The following DNAI4 variants were observed in gnomAD, a reference collection of about 807,000 sequenced individuals.
The protein encoded by DNAI4 is WD repeat domain 78.
DNAI4 carries 85 observed loss-of-function variants against 105.8 expected under a neutral mutation model. That is an observed-to-expected ratio of 0.80 (90% confidence interval 0.67 to 0.96). The LOEUF is 0.96. Ranked by LOEUF, DNAI4 falls within the 40% of genes least tolerant of loss-of-function variation. The pLI, the probability that DNAI4 is intolerant of heterozygous loss-of-function variation, is 0.00. For missense variants in DNAI4, 1,014 were observed against 1,005.6 expected, an observed-to-expected ratio of 1.01 and a Z score of -0.11; for synonymous variants, 352 against 331.5, an observed-to-expected ratio of 1.06 and a Z score of -0.67.
chr1:66,835,480 A>T, intron 11 of DNAI4, 146 bp downstream of exon 11: 1 of 838,686 alleles, frequency 1.2e-6, no homozygotes. Flanking sequence ...AGCTGGAGAG[A>T]CAATATGAGG....
intron 6 of DNAI4, among the ~76,000 whole-genome samples, chr1:66,868,090 T>G (rs1289185816): frequency 6.6e-6 from 1 of 152,252 alleles, no homozygotes; most frequent in Non-Finnish European, 1.5e-5. Flanking sequence ...GATTTTGTAA[T>G]GATGAATCAT....
chr1:66,907,632 T>C (rs1649360526), intron 1 of DNAI4, among the ~76,000 whole-genome samples: 1 of 152,164 alleles, frequency 6.6e-6, no homozygotes, highest in Admixed American at 6.5e-5. Flanking sequence ...TCTTCTACCA[T>C]CCTCTGAAGA....
intron 6 of DNAI4, among the ~76,000 whole-genome samples, chr1:66,868,051 T>C (rs1468602188): frequency 6.6e-6 from 1 of 152,198 alleles, no homozygotes; most frequent in Non-Finnish European, 1.5e-5. Context: ...GCATTTACCG[T>C]TCTTGTTTTA....
chr1:66,840,459 G>A lies in DNAI4; in HGVS notation c.1494+10C>T. On this transcript the variant is annotated intron_variant, in intron 9 of 16. Coordinates refer to ENST00000371026, the MANE Select transcript of DNAI4 (RefSeq NM_024763.5). ...TAGAAACAGAATTGTTCAAATGTTT[G>A]ATAACTTACTGGATTTGTTTTATTC... is the stretch of plus-strand genomic sequence containing the variant. 6.2e-7 allele frequency: 1 copy of A among 1,606,630 alleles called. No homozygotes were observed. Among genetic ancestry groups the A allele is most frequent in the East Asian group, 2.2e-5 (1 of 44,852 alleles).
chr1:66,846,149 T>C (rs758352413), intron 8 of DNAI4, among the ~76,000 whole-genome samples: 1 of 152,168 alleles, frequency 6.6e-6, no homozygotes, highest in Non-Finnish European at 1.5e-5. Flanking sequence ...TGTCAATATA[T>C]ACAGTACTAT....
chr1:66,848,399 C>T (rs1010691522), intron 7 of DNAI4: 2 of 374,150 alleles, frequency 5.3e-6, no homozygotes, highest in African/African-American at 4.3e-5. Flanking sequence ...ATCTGAAAAT[C>T]CCCATTGTAA....
At chr1:66,885,446 T>C (rs931421146) in intron 4 of DNAI4, among the ~76,000 whole-genome samples, 4 of 152,240 alleles carry the variant, frequency 2.6e-5, no homozygotes, top group African/African-American at 9.6e-5. Flanking sequence ...AGGATAATTT[T>C]TCTGGATATA....
intron 7 of DNAI4, among the ~76,000 whole-genome samples, chr1:66,854,767 G>C (rs908738872): frequency 3.3e-5 from 5 of 152,254 alleles, no homozygotes; most frequent in Admixed American, 1.3e-4. Flanking sequence ...TCATGCCACT[G>C]TACTCCAGCC....
intron 4 of DNAI4, among the ~76,000 whole-genome samples, chr1:66,876,456 T>C (rs1434233958): frequency 1.3e-5 from 2 of 152,258 alleles, no homozygotes; most frequent in South Asian, 2.1e-4. Flanking sequence ...ATTACATATA[T>C]AGAACCTAAT....
intron 12 of DNAI4, 97 bp downstream of exon 12, chr1:66,833,894 T>C: frequency 1.1e-5 from 16 of 1,449,630 alleles, no homozygotes; most frequent in South Asian, 1.4e-5. Context: ...TTTTTTCTTA[T>C]TGGCCAAACC....
chr1:66,835,911 T>G (rs923942919), intron 10 of DNAI4, 134 bp from the exon 11 acceptor site: 2 of 705,910 alleles, frequency 2.8e-6, no homozygotes, highest in African/African-American at 3.6e-5. Flanking sequence ...TACTTCTGTC[T>G]TCCTAATTTC....
rs149243885 is a variant in DNAI4 at position 66,902,128 on chromosome 1, T to C, written c.345+3073A>G. Reference sequence around the variant, plus strand: ...GATTACAGGTGTGAGCCACCATGCCTGGCCCTACAATACCATTTTTCATAG... The same window carrying C: ...GATTACAGGTGTGAGCCACCATGCCCGGCCCTACAATACCATTTTTCATAG... On this transcript the variant is annotated intron_variant, in intron 2 of 16. Coordinates refer to ENST00000371026, the MANE Select transcript of DNAI4 (RefSeq NM_024763.5). 2.3e-3 allele frequency among the ~76,000 whole-genome samples: 357 copies of C among 152,296 alleles called. 13 individuals carry two copies. In the East Asian group the frequency reaches 0.058, roughly 25 times the overall value.
At position 66,826,860 on chromosome 1, in the gene DNAI4, T is replaced by A; in HGVS notation, c.2299A>T (p.Asn767Tyr). ...TCCCAAATCTCCACCCTGTTCTCAT[T>A]TGCAGCTGCAAATATATAGGATGAT... is the stretch of plus-strand genomic sequence containing the variant. The part of the protein sequence containing the change: ...PKSSYIFAAA[N>Y]ENRVEIWDLH... Residue 767 changes from asparagine to tyrosine, a missense_variant, in exon 15 of 17, where the codon AAT becomes TAT. By Grantham distance (143) the Asn-to-Tyr change is moderately radical. Transcript: ENST00000371026. 1.2e-6 allele frequency: 2 copies of A among 1,614,112 alleles called. No individual in the cohort carries two copies. The highest frequency in any genetic ancestry group is 1.7e-6 in the Non-Finnish European group (2 of 1,180,012).
chr1:66,892,262 A>G (rs1299456200), intron 3 of DNAI4, among the ~76,000 whole-genome samples: 1 of 152,122 alleles, frequency 6.6e-6, no homozygotes, highest in Non-Finnish European at 1.5e-5. Flanking sequence ...TTTGCAGGCA[A>G]ATTCAGAGGC....
intron 6 of DNAI4, among the ~76,000 whole-genome samples, chr1:66,864,975 A>T (rs1646702186): frequency 6.6e-6 from 1 of 152,230 alleles, no homozygotes; most frequent in Admixed American, 6.5e-5. Context: ...TCTATTTCTT[A>T]TCCTGGCTGG....
chr1:66,893,077 G>A lies in DNAI4; in HGVS notation c.530+152C>T, dbSNP rs986706990. On this transcript the variant is annotated intron_variant, in intron 3 of 16. Transcript: ENST00000371026. ...AAAGAGAGAGAGAGAAAGAAAGAAA[G>A]AAAGAAAGAAAGAAAGAAAGAAAGA... 442 of 367,656 alleles carry A rather than the reference G, an allele frequency of 1.2e-3. 5 individuals are homozygous for A. The highest frequency in any genetic ancestry group is 9.8e-3 in the African/African-American group (414 of 42,344). 22.8% of individuals were successfully genotyped at this position (367,656 alleles called of 1,614,324 possible). A position where few individuals can be genotyped will look rare whatever the true frequency, so the allele number is the denominator to read the frequency against.
chr1:66,922,915 T>C (rs750619072), intron 1 of DNAI4, among the ~76,000 whole-genome samples: 8 of 152,196 alleles, frequency 5.3e-5, no homozygotes, highest in Non-Finnish European at 8.8e-5. Flanking sequence ...CATTTGTGAA[T>C]CATCATTATA....
Position 66,924,741 on chromosome 1 carries a change from C to T in DNAI4, c.91G>A (p.Gly31Arg), listed in dbSNP as rs995385810. The T allele has an allele frequency of 6.2e-6, 10 of 1,614,226 alleles. No individual in the cohort carries two copies. The highest frequency in any genetic ancestry group is 3.3e-5 in the Admixed American group (2 of 60,026). ...YRDFRGGQKK[G>R]WCTTPQLVAT... ...ACCAGCTGGGGAGTGGTGCACCACC[C>T]CTTTTTTTGGCCGCCTCTGAAGTCC... Residue 31 changes from glycine to arginine, a missense_variant, in exon 1 of 17, where the codon GGG becomes AGG. Transcript: ENST00000371026.
intron 13 of DNAI4, among the ~76,000 whole-genome samples, chr1:66,829,023 G>C (rs1645811978): frequency 6.6e-6 from 1 of 152,110 alleles, no homozygotes; most frequent in African/African-American, 2.4e-5. Context: ...GTGCTCTCAG[G>C]AACAACCTCT....
Sources: allele counts gnomAD v4.1 joint callset (sites outside exome capture counted in the v4.1 genomes callset), GRCh38; gene constraint gnomAD v4.1.1; transcripts MANE v1.5; gene names NCBI Gene and HGNC (gene_info 2026-07-23, HGNC 2026-07-21).